The following SCN9A variants were observed in gnomAD, a reference collection of about 807,000 sequenced individuals.
SCN9A encodes sodium channel protein type 9 subunit alpha.
In SCN9A, 131 loss-of-function variants were observed where a neutral mutation model predicts 187.0. That is an observed-to-expected ratio of 0.70 (90% CI 0.61 to 0.81). The LOEUF (loss-of-function observed/expected upper bound fraction) is 0.81, where lower values mean the gene tolerates loss of function less well. Among genes scored for constraint, SCN9A ranks in the 30% least tolerant of loss-of-function variants. The probability of loss-of-function intolerance (pLI) is 0.00; values close to 1 mark genes in which losing one functional copy is unlikely to be tolerated. For missense variants in SCN9A, 2,252 were observed against 2,396.6 expected (o/e 0.94, Z 1.26); for synonymous variants, 809 against 808.6 (o/e 1.00, Z -0.01).
chr2:166,340,363 T>C (rs1264522033), intron 1 of SCN9A, among the ~76,000 whole-genome samples: 1 of 152,174 alleles, frequency 6.6e-6, no homozygotes, highest in Non-Finnish European at 1.5e-5. Context: ...TACTTTTCAC[T>C]CAGTTTTACT....
intron 1 of SCN9A, among the ~76,000 whole-genome samples, chr2:166,363,561 T>A (rs1700339981): frequency 6.6e-6 from 1 of 151,870 alleles, no homozygotes; most frequent in Non-Finnish European, 1.5e-5. Context: ...CAAAATGAAA[T>A]GGGAGTTCTT....
chr2:166,338,589 T>C (rs574962188), intron 1 of SCN9A, among the ~76,000 whole-genome samples: 24 of 152,308 alleles, frequency 1.6e-4, no homozygotes, highest in Middle Eastern at 6.8e-3. Flanking sequence ...AACAATTATA[T>C]AACCATAGTA....
At chr2:166,253,820 A>G (rs115786752) in intron 17 of SCN9A, among the ~76,000 whole-genome samples, 3,245 of 151,912 alleles carry the variant, frequency 0.021, 131 homozygotes, top group African/African-American at 0.074. Context: ...TGCTGATAGA[A>G]AGAATACAAA....
rs1014045484 is a variant in SCN9A at position 166,203,050 on chromosome 2, T to A, written c.4774+905A>T. Among the ~76,000 whole-genome samples, 3 of 151,832 alleles carry A rather than the reference T, an allele frequency of 2.0e-5. No individual in the cohort carries two copies. In the South Asian group the frequency reaches 6.2e-4, roughly 31 times the overall value. ...TAATAGGAATGCTTTCAGAATCATT[T>A]TTGTTAGTGTGAAATTCTCACCTAA... On this transcript the variant is annotated intron_variant, in intron 26 of 26. Transcript: ENST00000642356.
At chr2:166,257,506 T>A (rs2106436076) in intron 17 of SCN9A, among the ~76,000 whole-genome samples, 1 of 151,748 alleles carries the variant, frequency 6.6e-6, no homozygotes, top group African/African-American at 2.4e-5. Context: ...AAAATATAAA[T>A]AGAAATTTTA....
chr2:166,228,402 G>A (rs1574760221), intron 22 of SCN9A, among the ~76,000 whole-genome samples: 1 of 151,432 alleles, frequency 6.6e-6, no homozygotes, highest in South Asian at 2.1e-4. Flanking sequence ...GATTACAGGC[G>A]CCTGCCACCA....
rs1448289179 is a variant in SCN9A at position 166,375,776 on chromosome 2, C to A, written c.-130G>T. 2 of 152,376 alleles carry A rather than the reference C, an allele frequency of 1.3e-5. 1 individual carries two copies. Among genetic ancestry groups the A allele is most frequent in the Admixed American group, 1.3e-4 (2 of 15,288 alleles). The allele number at this position is 152,376 out of a possible 1,614,324, so 9.4% of individuals were successfully genotyped here. A position where few individuals can be genotyped will look rare whatever the true frequency, so the allele number is the denominator to read the frequency against. The stretch of plus-strand genomic sequence containing the variant: ...CAGGAGAGGGCGCGGGCCTCTCCTT[C>A]CCCGGCGCTCTCTCAGGGCTGCTTC... On this transcript the variant is annotated 5_prime_UTR_variant, in exon 1 of 27. Coordinates refer to ENST00000642356, the MANE Select transcript of SCN9A (RefSeq NM_001365536.1).
chr2:166,214,462 C>CCCTGGCTT (rs1694234157), intron 24 of SCN9A, among the ~76,000 whole-genome samples: 1 of 151,762 alleles, frequency 6.6e-6, no homozygotes, highest in Non-Finnish European at 1.5e-5. Flanking sequence ...ACGCCTTCTT[C>CCCTGGCTT]CCTGGCTTCC....
chr2:166,202,876 C>A (rs1393415866), intron 26 of SCN9A, among the ~76,000 whole-genome samples: 3 of 151,636 alleles, frequency 2.0e-5, no homozygotes, highest in Admixed American at 6.6e-5. Flanking sequence ...TGAACAAGTT[C>A]TTTCATTATA....
rs1558973362 is a variant in SCN9A at position 166,238,178 on chromosome 2, C to A, written c.3717G>T (p.Leu1239=). ...ADKIFTYIFI[L]EMLLKWIAYG... ...ATGCTATCCATTTTAGAAGCATTTC[C>A]AGAATGAAGATGTAAGTGAAGATCT... The change falls in exon 20 of 27, where the codon CTG becomes CTT. Residue 1239 remains leucine, a synonymous_variant. Coordinates refer to ENST00000642356, the MANE Select transcript of SCN9A (RefSeq NM_001365536.1). 5.0e-6 allele frequency: 8 copies of A among 1,607,894 alleles called. No individual in the cohort carries two copies. Among genetic ancestry groups the A allele is most frequent in the Non-Finnish European group, 6.8e-6 (8 of 1,176,064 alleles).
intron 1 of SCN9A, among the ~76,000 whole-genome samples, chr2:166,350,380 C>T (rs1245955855): frequency 6.6e-6 from 1 of 152,192 alleles, no homozygotes; most frequent in Non-Finnish European, 1.5e-5. Context: ...AACTAGGTAT[C>T]CCTATATGTG....
At chr2:166,208,677 T>C (rs573359852) in intron 24 of SCN9A, among the ~76,000 whole-genome samples, 1 of 152,312 alleles carries the variant, frequency 6.6e-6, no homozygotes, top group Non-Finnish European at 1.5e-5. Flanking sequence ...ATGAGGATGA[T>C]GAATAGTTGG....
intron 2 of SCN9A, among the ~76,000 whole-genome samples, chr2:166,308,858 G>A (rs1328481330): frequency 6.7e-6 from 1 of 150,026 alleles, no homozygotes. Flanking sequence ...CCCGGGAGGC[G>A]GAGCTTGCAG....
chr2:166,347,507 TG>T (rs1699928493), intron 1 of SCN9A, among the ~76,000 whole-genome samples: 1 of 152,316 alleles, frequency 6.6e-6, no homozygotes, highest in African/African-American at 2.4e-5. Flanking sequence ...AAGATGTGTT[TG>T]TTTCTCCTGA....
At chr2:166,348,991 G>C (rs1184547329) in intron 1 of SCN9A, among the ~76,000 whole-genome samples, 1 of 152,118 alleles carries the variant, frequency 6.6e-6, no homozygotes, top group Non-Finnish European at 1.5e-5. Context: ...AGCCGGGCGT[G>C]GTGGCGCGTG....
chr2:166,306,984 T>C lies in SCN9A; in HGVS notation c.349A>G (p.Arg117Gly). Reference sequence around the variant, plus strand: ...TGTACTAAAATCTTAATAGATATTCTTCTTAGAGGACTGAAAGGAGAAAGC... The same window carrying C: ...TGTACTAAAATCTTAATAGATATTCCTCTTAGAGGACTGAAAGGAGAAAGC... The part of the protein sequence containing the change: ...YMLSPFSPLR[R>G]ISIKILVHSL... The change falls in exon 3 of 27, where the codon AGA becomes GGA. Residue 117 changes from arginine to glycine, a missense_variant. Physicochemically the swap from Arg to Gly is moderately radical, Grantham distance 125. This residue lies in a region of SCN9A where 1,013 missense variants were observed against 997.4 expected (regional missense o/e 1.02). Transcript: ENST00000642356. 1 of 1,602,524 alleles carries C rather than the reference T, an allele frequency of 6.2e-7. No homozygotes were observed. Among genetic ancestry groups the C allele is most frequent in the Non-Finnish European group, 8.5e-7 (1 of 1,169,990 alleles).
intron 24 of SCN9A, among the ~76,000 whole-genome samples, chr2:166,212,160 G>A (rs571749115): frequency 1.4e-4 from 22 of 152,212 alleles, no homozygotes; most frequent in Non-Finnish European, 2.4e-4. Context: ...CATGGTTTCA[G>A]AACCCCAAGG....
intron 17 of SCN9A, among the ~76,000 whole-genome samples, chr2:166,258,390 A>G (rs1696367421): frequency 6.6e-6 from 1 of 151,458 alleles, no homozygotes; most frequent in Admixed American, 6.6e-5. Flanking sequence ...ATATAATCAG[A>G]AACTTATTCT....
chr2:166,375,264 T>G (rs1352209976), intron 1 of SCN9A, among the ~76,000 whole-genome samples: 2 of 152,224 alleles, frequency 1.3e-5, no homozygotes, highest in Non-Finnish European at 2.9e-5. Context: ...AAGCTGGTTC[T>G]GCACGCTCAG....
Sources: allele counts gnomAD v4.1 joint callset (sites outside exome capture counted in the v4.1 genomes callset), GRCh38; gene constraint gnomAD v4.1.1; regional missense constraint gnomAD v4.1.1; transcripts MANE v1.5; gene names NCBI Gene and HGNC (gene_info 2026-07-23, HGNC 2026-07-21).